ADD2: variants seen among roughly 807,000 people sequenced by gnomAD.
ADD2 encodes the protein beta-adducin.
A neutral mutation model predicts 83.0 loss-of-function variants in ADD2; 23 were observed. The ratio of observed to expected loss-of-function variants is 0.28; its 90% CI spans 0.20 to 0.39. The LOEUF is 0.39. Ranked by LOEUF, ADD2 falls within the 10% of genes least tolerant of loss-of-function variation. ADD2 has a pLI of 1.00. For synonymous variants in ADD2, 375 were observed against 375.4 expected (o/e 1.00, Z 0.01); for missense variants, 758 against 944.9 (o/e 0.80, Z 2.59).
Position 70,668,400 on chromosome 2 carries a change from C to T in ADD2, c.1870+4478G>A, listed in dbSNP as rs114616442. Reference sequence around the variant, plus strand: ...TGGCTCAAGCCACACTGCATCTGGACAGCCTCCCCTGACATTGGACAATGA... The same window carrying T: ...TGGCTCAAGCCACACTGCATCTGGATAGCCTCCCCTGACATTGGACAATGA... On this transcript the variant is annotated intron_variant, in intron 15 of 15. Transcript: ENST00000264436. Among the ~76,000 whole-genome samples, 620 of 152,344 alleles carry T rather than the reference C, an allele frequency of 4.1e-3. 2 individuals are homozygous for T. Among genetic ancestry groups the T allele is most frequent in the African/African-American group, 0.014 (601 of 41,574 alleles).
intron 1 of ADD2, among the ~76,000 whole-genome samples, chr2:70,747,581 C>T (rs1259341710): frequency 6.6e-6 from 1 of 152,104 alleles, no homozygotes; most frequent in Non-Finnish European, 1.5e-5. Context: ...CACATGCTCT[C>T]CCATCATGCT....
At chr2:70,751,345 TTC>T (rs1674499602) in intron 1 of ADD2, among the ~76,000 whole-genome samples, 1 of 152,204 alleles carries the variant, frequency 6.6e-6, no homozygotes, top group South Asian at 2.1e-4. Context: ...TTGTTAGCTT[TTC>T]TGAGTCCACT....
intron 1 of ADD2, among the ~76,000 whole-genome samples, chr2:70,739,429 T>A (rs906429913): frequency 3.3e-5 from 5 of 152,244 alleles, no homozygotes; most frequent in Admixed American, 3.3e-4. Flanking sequence ...TATACAGTGT[T>A]GGTGGAAGTG....
intron 2 of ADD2, among the ~76,000 whole-genome samples, chr2:70,712,460 TAAA>T (rs782194928): frequency 0.014 from 1,146 of 81,836 alleles, 27 homozygotes; most frequent in African/African-American, 0.037. Context: ...AATAAATAAA[TAAA>T]AAAAAAAAAA....
chr2:70,701,249 A>G (rs1671566881), intron 4 of ADD2, among the ~76,000 whole-genome samples: 1 of 152,124 alleles, frequency 6.6e-6, no homozygotes, highest in African/African-American at 2.4e-5. Context: ...GGAGTTCAAT[A>G]CTCAGAAATC....
Position 70,751,941 on chromosome 2 carries a change from G to T in ADD2, c.-154+15945C>A, listed in dbSNP as rs13408905. ...GGATATGATGGGAAATACAAGAGTCGCCGCTTTTCACAAGGGCACACAAGA... is the reference window on the plus strand; with the variant it reads ...GGATATGATGGGAAATACAAGAGTCTCCGCTTTTCACAAGGGCACACAAGA... On this transcript the variant is annotated intron_variant, in intron 1 of 15. Coordinates refer to ENST00000264436, the MANE Select transcript of ADD2 (RefSeq NM_001617.4). Among the ~76,000 whole-genome samples the T allele has an allele frequency of 2.0e-5, 3 of 151,882 alleles. No homozygotes were observed. In the South Asian group the frequency reaches 6.2e-4, roughly 31 times the overall value.
chr2:70,669,895 C>T (rs1260706863), intron 15 of ADD2, among the ~76,000 whole-genome samples: 1 of 152,114 alleles, frequency 6.6e-6, no homozygotes, highest in Non-Finnish European at 1.5e-5. Flanking sequence ...CAGACAGACA[C>T]CCAGCCATCT....
intron 1 of ADD2, among the ~76,000 whole-genome samples, chr2:70,724,322 T>A (rs953343691): frequency 2.0e-5 from 3 of 152,204 alleles, no homozygotes; most frequent in African/African-American, 7.2e-5. Context: ...GCGTGCTCAT[T>A]TCTAAATGGT....
intron 1 of ADD2, among the ~76,000 whole-genome samples, chr2:70,751,599 CT>C (rs1483119229): frequency 6.6e-6 from 1 of 152,144 alleles, no homozygotes; most frequent in Non-Finnish European, 1.5e-5. Context: ...GATGTCTTTA[CT>C]TTATTAAAAA....
In ADD2 at chr2:70,659,781, G is replaced by C. The variant is rs1410298242; in HGVS notation, c.*3644C>G. The C allele has an allele frequency of 6.6e-6, 1 of 152,170 alleles. No individual in the cohort carries two copies. The highest frequency in any genetic ancestry group is 1.5e-5 in the Non-Finnish European group (1 of 68,050). 9.4% of individuals were successfully genotyped at this position (152,170 alleles called of 1,614,324 possible). ...CACTGTTGGGTGCAGCCAACACTAC[G>C]CAAGGAGCCGTTGGAGCCAAGCCTG... On this transcript the variant is annotated 3_prime_UTR_variant, in exon 16 of 16. Coordinates refer to ENST00000264436, the MANE Select transcript of ADD2 (RefSeq NM_001617.4).
chr2:70,704,980 C>G (rs1303363339), intron 3 of ADD2, among the ~76,000 whole-genome samples: 5 of 152,142 alleles, frequency 3.3e-5, no homozygotes, highest in African/African-American at 1.2e-4. Context: ...GACCATGAAG[C>G]CATAAGCAAG....
intron 1 of ADD2, among the ~76,000 whole-genome samples, chr2:70,729,075 C>T (rs973666140): frequency 7.9e-5 from 12 of 152,226 alleles, no homozygotes; most frequent in African/African-American, 2.9e-4. Context: ...CTCAGCCTTT[C>T]CTGCTGACCC....
chr2:70,704,264 C>A, intron 4 of ADD2, 57 bp downstream of exon 4: 31 of 425,196 alleles, frequency 7.3e-5, no homozygotes, highest in Middle Eastern at 5.2e-4. Flanking sequence ...TCCCTCTCTT[C>A]CCCACCCCAC....
At position 70,706,119 on chromosome 2, in the gene ADD2, C is replaced by T; in HGVS notation, c.183+107G>A. The T allele has an allele frequency of 8.2e-7, 1 of 1,221,622 alleles. No individual in the cohort carries two copies. Among genetic ancestry groups the T allele is most frequent in the Non-Finnish European group, 1.2e-6 (1 of 868,512 alleles). The allele number at this position is 1,221,622 out of a possible 1,614,324, so 75.7% of individuals were successfully genotyped here. On this transcript the variant is annotated intron_variant, in intron 3 of 15. Transcript: ENST00000264436. The surrounding 1 kb of genome is among the most constrained non-coding windows in gnomAD (Gnocchi z 5.0). Reference sequence around the variant, plus strand: ...CTTGCTCAGTGGGCTTACATTTCTACTGACCCTGAGCAAGGGAAAGAGGAG... The same window carrying T: ...CTTGCTCAGTGGGCTTACATTTCTATTGACCCTGAGCAAGGGAAAGAGGAG...
At position 70,661,283 on chromosome 2, in the gene ADD2, G is replaced by C. The variant is rs994241755; in HGVS notation, c.*2142C>G. On this transcript the variant is annotated 3_prime_UTR_variant, in exon 16 of 16. Transcript: ENST00000264436. ...GTCATAATGATGGCTCTCTTTCAACGTCAGCATAATGCCTGGTGCTCAGTG... is the reference window on the plus strand; with the variant it reads ...GTCATAATGATGGCTCTCTTTCAACCTCAGCATAATGCCTGGTGCTCAGTG... The C allele has an allele frequency of 1.3e-4, 20 of 152,290 alleles. No individual in the cohort carries two copies. In the South Asian group the frequency reaches 2.3e-3, roughly 17 times the overall value. The allele number at this position is 152,290 out of a possible 1,614,324, so 9.4% of individuals were successfully genotyped here. A position where few individuals can be genotyped will look rare whatever the true frequency, so the allele number is the denominator to read the frequency against.
At position 70,722,658 on chromosome 2, in the gene ADD2, C is replaced by T. The variant is rs1012881274; in HGVS notation, c.-153-9474G>A. Among the ~76,000 whole-genome samples, 7 of 152,314 alleles carry T rather than the reference C, an allele frequency of 4.6e-5. No individual in the cohort carries two copies. The East Asian group carries it at 1.4e-3, about 29-fold the overall frequency. ...GTCCTGAGAGCTACAACAAGGCAGA[C>T]TGATGTGCATAGCCCCCAAACAGGT... is the stretch of plus-strand genomic sequence containing the variant. On this transcript the variant is annotated intron_variant, in intron 1 of 15. Coordinates refer to ENST00000264436, the MANE Select transcript of ADD2 (RefSeq NM_001617.4).
chr2:70,657,022 T>TAA lies in ADD2; in HGVS notation c.*6401_*6402dup, dbSNP rs1558510227. 6.7e-6 allele frequency: 1 copy of TAA among 150,208 alleles called. No homozygotes were observed. The highest frequency in any genetic ancestry group is 1.9e-4 in the East Asian group (1 of 5,162). 9.3% of individuals were successfully genotyped at this position (150,208 alleles called of 1,614,324 possible). On this transcript the variant is annotated 3_prime_UTR_variant, in exon 16 of 16. Coordinates refer to ENST00000264436, the MANE Select transcript of ADD2 (RefSeq NM_001617.4). ...CAACCCATAAATATATATATATATA[T>TAA]AATATGTGTATATATATAAAATTGC...
chr2:70,708,462 C>G (rs1335403894), intron 2 of ADD2, among the ~76,000 whole-genome samples: 1 of 152,164 alleles, frequency 6.6e-6, no homozygotes, highest in Non-Finnish European at 1.5e-5. Context: ...AGTGAGCAGC[C>G]TCGGTTGAAA....
chr2:70,696,118 G>A (rs1671294403), intron 5 of ADD2, 127 bp downstream of exon 5: 1 of 1,291,932 alleles, frequency 7.7e-7, no homozygotes, highest in Admixed American at 2.3e-5. Context: ...AAACTTGGAA[G>A]GGTTCAGTGC....
Sources: gnomAD v4.1 joint callset for allele counts (sites outside exome capture counted in the v4.1 genomes callset) on GRCh38, gnomAD v4.1.1 for gene constraint, Gnocchi (gnomAD v3.1) non-coding constraint, MANE v1.5 for transcripts, NCBI Gene and HGNC (gene_info 2026-07-23, HGNC 2026-07-21) for gene names.